The following TGFBRAP1 variants were observed in gnomAD, a reference collection of about 807,000 sequenced individuals.
TGFBRAP1 encodes transforming growth factor beta receptor associated protein 1.
A neutral mutation model predicts 83.2 loss-of-function variants in TGFBRAP1; 20 were observed. The ratio of observed to expected loss-of-function variants is 0.24; its 90% CI spans 0.17 to 0.35. The LOEUF (loss-of-function observed/expected upper bound fraction) is 0.35, where lower values mean the gene tolerates loss of function less well. Ranked by LOEUF, TGFBRAP1 falls within the 10% of genes least tolerant of loss-of-function variation. TGFBRAP1 has a pLI of 1.00. For synonymous variants in TGFBRAP1, 415 were observed against 459.8 expected (o/e 0.90, Z 1.25); for missense variants, 950 against 1,099.4 (o/e 0.86, Z 1.92).
At chr2:105,276,912 T>C (rs1367380138) in intron 7 of TGFBRAP1, among the ~76,000 whole-genome samples, 1 of 152,186 alleles carries the variant, frequency 6.6e-6, no homozygotes, top group Non-Finnish European at 1.5e-5. Context: ...GCTGATGCTC[T>C]TGGCCCCTCA....
intron 5 of TGFBRAP1, among the ~76,000 whole-genome samples, chr2:105,282,633 T>G (rs1420755172): frequency 6.6e-6 from 1 of 152,126 alleles, no homozygotes; most frequent in Non-Finnish European, 1.5e-5. Context: ...GAGACCAGCC[T>G]GGGCAACACA....
chr2:105,308,075 T>C lies in TGFBRAP1; in HGVS notation c.227A>G (p.Lys76Arg). The C allele has an allele frequency of 6.2e-7, 1 of 1,613,834 alleles. No individual in the cohort carries two copies. The highest frequency in any genetic ancestry group is 8.5e-7 in the Non-Finnish European group (1 of 1,179,828). Reference sequence around the variant, plus strand: ...CGCACGCAGCTCGTTCACGGGCTTCTTGAAGCCCAAGTGTCTCTGCAGCTG... The same window carrying C: ...CGCACGCAGCTCGTTCACGGGCTTCCTGAAGCCCAAGTGTCTCTGCAGCTG... The part of the protein sequence containing the change: ...TKQLQRHLGF[K>R]KPVNELRAAS... Residue 76 changes from lysine to arginine, a missense_variant, in exon 2 of 12, where the codon AAG becomes AGG. Coordinates refer to ENST00000393359, the MANE Select transcript of TGFBRAP1 (RefSeq NM_004257.6).
intron 4 of TGFBRAP1, among the ~76,000 whole-genome samples, chr2:105,287,154 T>C (rs908436774): frequency 3.4e-5 from 5 of 145,450 alleles, no homozygotes; most frequent in Non-Finnish European, 7.4e-5. Context: ...GTCAGATTCA[T>C]AGAGACAGAA....
intron 4 of TGFBRAP1, among the ~76,000 whole-genome samples, chr2:105,292,996 G>A (rs1161853982): frequency 1.3e-5 from 2 of 150,722 alleles, no homozygotes; most frequent in African/African-American, 4.9e-5. Flanking sequence ...TTTTCCCTAA[G>A]GATTAAAAAA....
intron 2 of TGFBRAP1, among the ~76,000 whole-genome samples, chr2:105,301,800 A>T (rs1030942462): frequency 5.9e-5 from 9 of 152,124 alleles, no homozygotes; most frequent in African/African-American, 2.2e-4. Context: ...AGTCACAGGC[A>T]CAATTACAGA....
the TGFBRAP1 span, among the ~76,000 whole-genome samples, chr2:105,251,338 C>T: frequency 6.6e-6 from 1 of 150,404 alleles, no homozygotes; most frequent in Non-Finnish European, 1.5e-5. Flanking sequence ...CTCTGCCCGG[C>T]CGCCCATCGT....
At chr2:105,324,551 C>T (rs1288064750) in intron 1 of TGFBRAP1, among the ~76,000 whole-genome samples, 1 of 152,210 alleles carries the variant, frequency 6.6e-6, no homozygotes, top group Non-Finnish European at 1.5e-5. Context: ...TGATTTTTCT[C>T]CAGCCAAGTG....
rs1456360234 is a variant in TGFBRAP1, at chr2:105,286,065, C to T, written c.1039-1667G>A. Among the ~76,000 whole-genome samples, 12 of 152,096 alleles carry T rather than the reference C, an allele frequency of 7.9e-5. No homozygotes were observed. The South Asian group carries it at 8.3e-4, about 11-fold the overall frequency. On this transcript the variant is annotated intron_variant, in intron 4 of 11. Transcript: ENST00000393359. ...CAGGCTTGTTGAGGAGAAATCAGAACGGCAATTTATTCCTTATGGCGGTAG... is the reference window on the plus strand; with the variant it reads ...CAGGCTTGTTGAGGAGAAATCAGAATGGCAATTTATTCCTTATGGCGGTAG...
At chr2:105,299,521 T>C (rs577330490) in intron 2 of TGFBRAP1, among the ~76,000 whole-genome samples, 7 of 152,204 alleles carry the variant, frequency 4.6e-5, no homozygotes, top group African/African-American at 1.7e-4. Context: ...AGAGGGTCAC[T>C]GCATTTACCT....
chr2:105,327,903 T>C (rs1275380594), intron 1 of TGFBRAP1, among the ~76,000 whole-genome samples: 2 of 152,334 alleles, frequency 1.3e-5, no homozygotes, highest in East Asian at 1.9e-4. Flanking sequence ...TTGATGCACA[T>C]AGCAAATTGG....
At chr2:105,296,565 A>T in intron 3 of TGFBRAP1, 55 bp from the exon 4 acceptor site, 2 of 1,571,548 alleles carry the variant, frequency 1.3e-6, no homozygotes, top group Non-Finnish European at 1.7e-6. Context: ...CCTGCAAAAA[A>T]ACACACTGCT....
In TGFBRAP1 at chr2:105,267,508, T is replaced by C; in HGVS notation, c.2458A>G (p.Ile820Val). 1 of 1,614,250 alleles carries C rather than the reference T, an allele frequency of 6.2e-7. No homozygotes were observed. Among genetic ancestry groups the C allele is most frequent in the Non-Finnish European group, 8.5e-7 (1 of 1,180,046 alleles). Residue 820 changes from isoleucine (I) to valine (V), a missense_variant, in exon 12 of 12, where the codon ATA (isoleucine) becomes GTA (valine). Coordinates refer to ENST00000393359, the MANE Select transcript of TGFBRAP1 (RefSeq NM_004257.6). ...IQLSDKKLCQ[I>V]CQNPFCEPVF... ...GGCTCACAAAAGGGATTTTGGCATA[T>C]CTGACAAAGCTTTTTGTCTGAGAGT...
intron 2 of TGFBRAP1, among the ~76,000 whole-genome samples, chr2:105,304,318 T>C (rs946643446): frequency 2.6e-5 from 4 of 152,252 alleles, no homozygotes; most frequent in Admixed American, 1.3e-4. Flanking sequence ...ACCAGGTTCA[T>C]TATGCTATTC....
chr2:105,267,286 G>A lies in TGFBRAP1; in HGVS notation c.*97C>T, dbSNP rs971733940. 17 of 1,503,304 alleles carry A rather than the reference G, an allele frequency of 1.1e-5. No individual in the cohort carries two copies. Among genetic ancestry groups the A allele is most frequent in the East Asian group, 4.6e-5 (2 of 43,196 alleles). The allele number at this position is 1,503,304 out of a possible 1,614,324, so 93.1% of individuals were successfully genotyped here. A position where few individuals can be genotyped will look rare whatever the true frequency, so the allele number is the denominator to read the frequency against. On this transcript the variant is annotated 3_prime_UTR_variant, in exon 12 of 12. Transcript: ENST00000393359. ...CCCTGGCACCCAGATGTCTCCCTTC[G>A]TCCTGGCTGACACAGAGCATGGTGG...
the TGFBRAP1 span, among the ~76,000 whole-genome samples, chr2:105,250,639 CCACGGTCTCCCTCTCCCCACGG>C: frequency 7.0e-6 from 1 of 142,786 alleles, no homozygotes; most frequent in Non-Finnish European, 1.6e-5. Flanking sequence ...CTCCCTCTCC[CCACGGTCTCCCTCTCCCCACGG>C]TCTCCCTCTC....
At chr2:105,284,512 AGCTG>A in intron 4 of TGFBRAP1, 114 bp from the exon 5 acceptor site, 1 of 938,022 alleles carries the variant, frequency 1.1e-6, no homozygotes, top group Non-Finnish European at 1.7e-6. Context: ...TAAAATTACA[AGCTG>A]AGGAAAAAAC....
the TGFBRAP1 span, among the ~76,000 whole-genome samples, chr2:105,258,143 G>A: frequency 6.6e-6 from 1 of 152,206 alleles, no homozygotes; most frequent in South Asian, 2.1e-4. Context: ...TAAACTTGGA[G>A]TAAGTCACTG....
rs750183351 is a variant in TGFBRAP1 at position 105,267,371 on chromosome 2, G to C, written c.*12C>G. 1.9e-6 allele frequency: 3 copies of C among 1,613,964 alleles called. No homozygotes were observed. Among genetic ancestry groups the C allele is most frequent in the Non-Finnish European group, 1.7e-6 (2 of 1,179,918 alleles). On this transcript the variant is annotated 3_prime_UTR_variant, in exon 12 of 12. Coordinates refer to ENST00000393359, the MANE Select transcript of TGFBRAP1 (RefSeq NM_004257.6). The stretch of plus-strand genomic sequence containing the variant: ...AACTCGGAGTTCCCCTCGCACCCTT[G>C]GGCCAAGCTTTTCAAGTCCGAGTGC...
chr2:105,258,104 C>G, the TGFBRAP1 span, among the ~76,000 whole-genome samples: 1 of 152,192 alleles, frequency 6.6e-6, no homozygotes, highest in Admixed American at 6.5e-5. Flanking sequence ...CAGGTTATTG[C>G]TAATTCTGCA....
Sources: allele counts gnomAD v4.1 joint callset (sites outside exome capture counted in the v4.1 genomes callset), GRCh38; gene constraint gnomAD v4.1.1; transcripts MANE v1.5; gene names NCBI Gene and HGNC (gene_info 2026-07-23, HGNC 2026-07-21).